The following SHISA9 variants were observed in gnomAD, a reference collection of about 807,000 sequenced individuals.
SHISA9 encodes shisa family member 9, also known as protein shisa-9.
In SHISA9, 13 loss-of-function variants were observed where a neutral mutation model predicts 38.0. That is an observed-to-expected ratio of 0.34 (90% CI 0.22 to 0.54). The LOEUF (loss-of-function observed/expected upper bound fraction) is 0.54, where lower values mean the gene tolerates loss of function less well. Among genes scored for constraint, SHISA9 ranks in the 20% least tolerant of loss-of-function variants. SHISA9 has a pLI of 0.91. For missense variants in SHISA9, 538 were observed against 575.8 expected, an observed-to-expected ratio of 0.93 and a Z score of 0.67; for synonymous variants, 275 against 242.0, an observed-to-expected ratio of 1.14 and a Z score of -1.27.
chr16:13,518,581 C>G, the SHISA9 span, among the ~76,000 whole-genome samples: 6 of 152,144 alleles, frequency 3.9e-5, no homozygotes, highest in Non-Finnish European at 7.4e-5. Context: ...TAACTTGTTC[C>G]TTCCCAACCC....
the SHISA9 span, among the ~76,000 whole-genome samples, chr16:13,452,322 G>T: frequency 6.6e-6 from 1 of 152,176 alleles, no homozygotes; most frequent in Non-Finnish European, 1.5e-5. Context: ...ATGCTTCAGG[G>T]TGAAAATGCA....
intron 1 of SHISA9, chr16:12,908,579 T>C: frequency 6.4e-7 from 1 of 1,551,744 alleles, no homozygotes; most frequent in Non-Finnish European, 8.7e-7. Context: ...CTGGACAGTC[T>C]GAGTGCACGG....
chr16:13,174,632 C>T (rs2050716053), intron 2 of SHISA9, among the ~76,000 whole-genome samples: 1 of 152,110 alleles, frequency 6.6e-6, no homozygotes, highest in African/African-American at 2.4e-5. Context: ...ATGGAGAAGC[C>T]CAGGAGGGGT....
chr16:13,442,804 T>A, the SHISA9 span, among the ~76,000 whole-genome samples: 1 of 152,046 alleles, frequency 6.6e-6, no homozygotes, highest in Admixed American at 6.6e-5. Context: ...AAAATAAAAA[T>A]TTAAAAAAGG....
At chr16:13,157,735 C>G (rs1273921345) in intron 2 of SHISA9, among the ~76,000 whole-genome samples, 1 of 152,166 alleles carries the variant, frequency 6.6e-6, no homozygotes, top group African/African-American at 2.4e-5. Flanking sequence ...CAGCTGTCCT[C>G]CCTGCCTGTT....
chr16:13,190,212 C>T (rs1294235223), intron 2 of SHISA9, among the ~76,000 whole-genome samples: 2 of 150,240 alleles, frequency 1.3e-5, no homozygotes, highest in Non-Finnish European at 3.0e-5. Flanking sequence ...GTATATCTCC[C>T]AATGCTATCC....
intron 2 of SHISA9, among the ~76,000 whole-genome samples, chr16:12,951,289 C>A: frequency 6.7e-6 from 1 of 149,386 alleles, no homozygotes; most frequent in East Asian, 2.0e-4. Flanking sequence ...AACTTACACA[C>A]CTGGCTCACG....
intron 2 of SHISA9, among the ~76,000 whole-genome samples, chr16:13,165,192 C>G (rs895736515): frequency 3.3e-5 from 5 of 152,110 alleles, no homozygotes; most frequent in Non-Finnish European, 7.4e-5. Context: ...CTCCTTTCTT[C>G]TCTCCCCTAG....
chr16:13,329,283 T>C, the SHISA9 span, among the ~76,000 whole-genome samples: 25 of 152,170 alleles, frequency 1.6e-4, no homozygotes, highest in African/African-American at 5.1e-4. Context: ...GAGAGAGCTG[T>C]TCTCCTTTCT....
chr16:13,338,826 G>A, the SHISA9 span, among the ~76,000 whole-genome samples: 3 of 152,264 alleles, frequency 2.0e-5, no homozygotes, highest in African/African-American at 4.8e-5. Flanking sequence ...CAAAAGTCAC[G>A]ATAATGGAAG....
intron 2 of SHISA9, among the ~76,000 whole-genome samples, chr16:13,015,101 G>A (rs954917486): frequency 2.0e-5 from 3 of 152,274 alleles, no homozygotes; most frequent in Admixed American, 6.5e-5. Flanking sequence ...TGGGCTGTAC[G>A]CTCTGTAGTT....
intron 2 of SHISA9, among the ~76,000 whole-genome samples, chr16:12,999,100 A>G (rs1447284545): frequency 6.6e-6 from 1 of 152,204 alleles, no homozygotes; most frequent in Non-Finnish European, 1.5e-5. Context: ...AGCCAGTAGC[A>G]CTATAACTCA....
the SHISA9 span, among the ~76,000 whole-genome samples, chr16:13,247,973 A>G: frequency 1.3e-5 from 2 of 152,236 alleles, no homozygotes; most frequent in Non-Finnish European, 2.9e-5. Flanking sequence ...GGTAATTTGA[A>G]GCTGTTTTTG....
intron 2 of SHISA9, among the ~76,000 whole-genome samples, chr16:13,116,284 G>T (rs1461562846): frequency 2.0e-5 from 3 of 152,168 alleles, no homozygotes; most frequent in African/African-American, 4.8e-5. Context: ...ATATGATACA[G>T]CATGAAGATG....
At chr16:13,287,482 T>A in the SHISA9 span, among the ~76,000 whole-genome samples, 2 of 152,174 alleles carry the variant, frequency 1.3e-5, no homozygotes, top group African/African-American at 4.8e-5. Flanking sequence ...ATCACTGGCA[T>A]GGAGTTTTTA....
chr16:13,539,324 AGG>A, the SHISA9 span, among the ~76,000 whole-genome samples: 411 of 27,468 alleles, frequency 0.015, 25 homozygotes, highest in East Asian at 0.059. Context: ...ATATAAAGAC[AGG>A]ATCTTTATAT....
At chr16:13,334,895 A>G in the SHISA9 span, among the ~76,000 whole-genome samples, 1 of 152,326 alleles carries the variant, frequency 6.6e-6, no homozygotes, top group South Asian at 2.1e-4. Context: ...ATCAATGCTC[A>G]GCAAATGTTA....
chr16:13,486,782 G>A, the SHISA9 span, among the ~76,000 whole-genome samples: 43,289 of 152,016 alleles, frequency 0.28, 6,768 homozygotes, highest in East Asian at 0.37. Flanking sequence ...TCAGCTCACC[G>A]CAAACTCCAT....
intron 2 of SHISA9, among the ~76,000 whole-genome samples, chr16:13,200,317 C>T (rs1256973772): frequency 6.6e-6 from 1 of 151,920 alleles, no homozygotes; most frequent in East Asian, 1.9e-4. Flanking sequence ...CTGCCAATCA[C>T]GGTAACTGTC....
Sources: gnomAD v4.1 joint callset for allele counts (sites outside exome capture counted in the v4.1 genomes callset) on GRCh38, gnomAD v4.1.1 for gene constraint, MANE v1.5 for transcripts, NCBI Gene and HGNC (gene_info 2026-07-23, HGNC 2026-07-21) for gene names.